The following RPS6KA2 variants were observed in gnomAD, a reference collection of about 807,000 sequenced individuals.
The protein encoded by RPS6KA2 is ribosomal protein S6 kinase A2.
A neutral mutation model predicts 91.8 loss-of-function variants in RPS6KA2; 42 were observed. That is an observed-to-expected ratio of 0.46 (90% CI 0.36 to 0.59). The LOEUF (loss-of-function observed/expected upper bound fraction) is 0.59, where lower values mean the gene tolerates loss of function less well. Ranked by LOEUF, RPS6KA2 falls within the 20% of genes least tolerant of loss-of-function variation. The probability of loss-of-function intolerance (pLI) is 0.00; values close to 1 mark genes in which losing one functional copy is unlikely to be tolerated. For missense variants in RPS6KA2, 798 were observed against 978.5 expected (o/e 0.82, Z 2.46); for synonymous variants, 414 against 393.6 (o/e 1.05, Z -0.61).
chr6:166,814,946 T>C (rs1779727320), intron 2 of RPS6KA2, among the ~76,000 whole-genome samples: 1 of 152,186 alleles, frequency 6.6e-6, no homozygotes, highest in African/African-American at 2.4e-5. Flanking sequence ...ACTTGAATCA[T>C]CCTGAAACCA....
chr6:166,421,308 C>T (rs537101653), intron 17 of RPS6KA2, among the ~76,000 whole-genome samples: 1 of 152,192 alleles, frequency 6.6e-6, no homozygotes, highest in Non-Finnish European at 1.5e-5. Context: ...TCAATAAAAT[C>T]AATATTGTGG....
At position 166,423,300 on chromosome 6, in the gene RPS6KA2, G is replaced by A. The variant is rs1441331954; in HGVS notation, c.1699C>T (p.Leu567=). 1 of 1,613,970 alleles carries A rather than the reference G, an allele frequency of 6.2e-7. No individual in the cohort carries two copies. Among genetic ancestry groups the A allele is most frequent in the East Asian group, 2.2e-5 (1 of 44,882 alleles). ...GCCGTGTAGCAGGGTGTCATGAGCAGCCCGTTCCCCGCGCGCAGCTGCTTG... is the reference window on the plus strand; with the variant it reads ...GCCGTGTAGCAGGGTGTCATGAGCAACCCGTTCCCCGCGCGCAGCTGCTTG... ...FAKQLRAGNG[L]LMTPCYTANF... The change falls in exon 17 of 21, where the codon CTG becomes TTG. Residue 567 remains leucine, a synonymous_variant. Coordinates refer to ENST00000265678, the MANE Select transcript of RPS6KA2 (RefSeq NM_021135.6). The surrounding 1 kb of genome is among the most constrained non-coding windows in gnomAD (Gnocchi z 4.8).
At chr6:166,692,608 G>T (rs1283652856) in intron 2 of RPS6KA2, among the ~76,000 whole-genome samples, 1 of 152,138 alleles carries the variant, frequency 6.6e-6, no homozygotes, top group African/African-American at 2.4e-5. Context: ...ACTCTAAGCT[G>T]CATATTAAGT....
chr6:166,485,072 C>T (rs1781359829), intron 10 of RPS6KA2, among the ~76,000 whole-genome samples: 1 of 152,202 alleles, frequency 6.6e-6, no homozygotes. Flanking sequence ...AGGGGAACGT[C>T]GGAGCTGTCC....
chr6:166,744,791 T>C (rs1172333891), intron 2 of RPS6KA2, among the ~76,000 whole-genome samples: 2 of 152,134 alleles, frequency 1.3e-5, no homozygotes, highest in Non-Finnish European at 2.9e-5. Flanking sequence ...GTCGCGAGCC[T>C]GCACCTGACT....
intron 2 of RPS6KA2, among the ~76,000 whole-genome samples, chr6:166,762,612 A>G (rs1292800024): frequency 6.6e-6 from 1 of 152,210 alleles, no homozygotes; most frequent in Admixed American, 6.5e-5. Flanking sequence ...CCTGCTGTGC[A>G]CCACGGTCCC....
At chr6:166,855,420 AGAAGAAGAGGAAGAAGAG>A (rs1562473140) in intron 2 of RPS6KA2, among the ~76,000 whole-genome samples, 1 of 129,326 alleles carries the variant, frequency 7.7e-6, no homozygotes. Flanking sequence ...AGGAGGAGGA[AGAAGAAGAGGAAGAAGAG>A]GAAGAAGAAG....
At chr6:166,599,982 G>A (rs1220894425) in intron 1 of RPS6KA2, among the ~76,000 whole-genome samples, 1 of 152,096 alleles carries the variant, frequency 6.6e-6, no homozygotes, top group Non-Finnish European at 1.5e-5. Flanking sequence ...CTCCGTATAT[G>A]GGTGAGGGTG....
intron 1 of RPS6KA2, among the ~76,000 whole-genome samples, chr6:166,595,617 T>C (rs1165141518): frequency 1.3e-5 from 2 of 152,240 alleles, no homozygotes; most frequent in South Asian, 2.1e-4. Context: ...CATATTTTTA[T>C]GCATTAGTAA....
At chr6:166,703,236 T>C (rs1169565429) in intron 2 of RPS6KA2, among the ~76,000 whole-genome samples, 3 of 152,254 alleles carry the variant, frequency 2.0e-5, no homozygotes, top group Non-Finnish European at 4.4e-5. Flanking sequence ...TGGCTACATG[T>C]ATTGATTAAA....
chr6:166,652,591 A>G (rs192914661), intron 2 of RPS6KA2, among the ~76,000 whole-genome samples: 1 of 152,248 alleles, frequency 6.6e-6, no homozygotes, highest in Non-Finnish European at 1.5e-5. Flanking sequence ...ACTGAAAGCC[A>G]ATGTGTACAT....
In RPS6KA2 at chr6:166,666,643, T is replaced by A. The variant is rs1441677407; in HGVS notation, c.124-127859A>T. On this transcript the variant is annotated intron_variant, in intron 2 of 21. Transcript: ENST00000503859. This position sits in a 1 kb window ranked among gnomAD's most constrained non-coding sequence, Gnocchi z 4.0. ...GAGTGTTGGCGAGGGTGCTGAAAAA[T>A]TAGAATTGTTGTTTACTGTTGGTGG... Among the ~76,000 whole-genome samples the A allele has an allele frequency of 1.3e-5, 2 of 151,998 alleles. No individual in the cohort carries two copies. The highest frequency in any genetic ancestry group is 4.8e-5 in the African/African-American group (2 of 41,354).
At chr6:166,701,790 T>G in intron 2 of RPS6KA2, 1 of 980,704 alleles carries the variant, frequency 1.0e-6, no homozygotes, top group Non-Finnish European at 1.6e-6. Context: ...CGCTCCCTGA[T>G]TTTCTTCATG....
chr6:166,496,074 G>T (rs940153527), intron 8 of RPS6KA2, among the ~76,000 whole-genome samples: 2 of 152,188 alleles, frequency 1.3e-5, no homozygotes, highest in African/African-American at 4.8e-5. Context: ...AGAAGAACTG[G>T]GCGTGGTGGC....
intron 13 of RPS6KA2, among the ~76,000 whole-genome samples, chr6:166,450,382 A>G (rs1267453532): frequency 7.1e-6 from 1 of 140,694 alleles, no homozygotes; most frequent in Admixed American, 7.0e-5. Context: ...GGACCACGAC[A>G]GGGACCACCA....
At chr6:166,857,017 G>T (rs538966413) in intron 2 of RPS6KA2, among the ~76,000 whole-genome samples, 1 of 152,228 alleles carries the variant, frequency 6.6e-6, no homozygotes, top group Non-Finnish European at 1.5e-5. Context: ...GCACAGAACC[G>T]AAAGGCAGCT....
chr6:166,714,339 C>A (rs568311509), intron 2 of RPS6KA2, among the ~76,000 whole-genome samples: 1 of 152,222 alleles, frequency 6.6e-6, no homozygotes, highest in South Asian at 2.1e-4. Context: ...TGTTTCGGGT[C>A]CTGGGAAGAG....
chr6:166,676,317 CAAAA>C (rs34321063), intron 2 of RPS6KA2, among the ~76,000 whole-genome samples: 3 of 127,408 alleles, frequency 2.4e-5, no homozygotes, highest in Non-Finnish European at 3.4e-5. Flanking sequence ...GACTCTGTCT[CAAAA>C]AAAAAAAAAA....
chr6:166,480,062 T>G (rs574870355), intron 10 of RPS6KA2, among the ~76,000 whole-genome samples: 9 of 152,072 alleles, frequency 5.9e-5, no homozygotes, highest in Non-Finnish European at 1.0e-4. Flanking sequence ...GTGAATATAT[T>G]TGAAGGATAT....
Sources: gnomAD v4.1 joint callset for allele counts (sites outside exome capture counted in the v4.1 genomes callset) on GRCh38, gnomAD v4.1.1 for gene constraint, Gnocchi (gnomAD v3.1) non-coding constraint, MANE v1.5 for transcripts, NCBI Gene and HGNC (gene_info 2026-07-23, HGNC 2026-07-21) for gene names.